KY: variants seen among roughly 807,000 people sequenced by gnomAD.
The protein encoded by KY is kyphoscoliosis peptidase.
A neutral mutation model predicts 76.1 loss-of-function variants in KY; 43 were observed. That is an observed-to-expected ratio of 0.57 (90% confidence interval 0.44 to 0.73). The LOEUF is 0.73. Among genes scored for constraint, KY ranks in the 30% least tolerant of loss-of-function variants. KY has a pLI of 0.00. For synonymous variants in KY, 277 were observed against 326.2 expected (o/e 0.85, Z 1.63); for missense variants, 722 against 828.9 (o/e 0.87, Z 1.58).
rs1239949076 is a variant in KY at position 134,650,910 on chromosome 3, G to A, written c.51C>T (p.Ile17=). ...INAVSIDMLL[I]VHSEKRRAAQ... ...CGGCGCGCCGCTTCTCCGAGTGCAC[G>A]ATCAGCAGCATGTCGATAGATACAG... is the stretch of plus-strand genomic sequence containing the variant. Residue 17 remains isoleucine, a synonymous_variant, in exon 1 of 11, where the codon ATC becomes ATT. Transcript: ENST00000423778. 5.0e-6 allele frequency: 8 copies of A among 1,613,138 alleles called. No individual in the cohort carries two copies. The highest frequency in any genetic ancestry group is 1.7e-6 in the Non-Finnish European group (2 of 1,179,508).
intron 4 of KY, among the ~76,000 whole-genome samples, chr3:134,628,831 C>A (rs573538945): frequency 6.6e-6 from 1 of 152,204 alleles, no homozygotes; most frequent in South Asian, 2.1e-4. Flanking sequence ...GAAACATGAA[C>A]CCAGTCAGTC....
At chr3:134,611,457 C>T (rs566953594) in intron 8 of KY, among the ~76,000 whole-genome samples, 27 of 152,342 alleles carry the variant, frequency 1.8e-4, no homozygotes, top group African/African-American at 6.5e-4. Context: ...ACTGTGCAGA[C>T]AATTTCACTG....
chr3:134,648,126 T>A (rs1252298149), intron 1 of KY, among the ~76,000 whole-genome samples: 1 of 152,204 alleles, frequency 6.6e-6, no homozygotes, highest in Admixed American at 6.5e-5. Flanking sequence ...TGGCACAGCA[T>A]GGGGATACGT....
chr3:134,604,154 G>T lies in KY; in HGVS notation c.1411C>A (p.Pro471Thr), dbSNP rs768924250. The T allele has an allele frequency of 2.0e-5, 32 of 1,608,458 alleles. No individual in the cohort carries two copies. Among genetic ancestry groups the T allele is most frequent in the Non-Finnish European group, 2.7e-5 (32 of 1,177,208 alleles). The change falls in exon 11 of 11, where the codon CCT (proline) becomes ACT (threonine). Residue 471 changes from proline (P) to threonine (T), a missense_variant. Physicochemically the swap from Pro to Thr is conservative, Grantham distance 38. Coordinates refer to ENST00000423778, the MANE Select transcript of KY (RefSeq NM_178554.6). ...CGCCCGTCGCTGGTGTGGATGATAGGGTCAGGGTGGGAGGGCTTCATGATG... is the reference window on the plus strand; with the variant it reads ...CGCCCGTCGCTGGTGTGGATGATAGTGTCAGGGTGGGAGGGCTTCATGATG... ...MGIMKPSHPD[P>T]IIHTSDGRCS...
chr3:134,633,553 T>G (rs1197079315), intron 3 of KY, among the ~76,000 whole-genome samples: 1 of 152,074 alleles, frequency 6.6e-6, no homozygotes. Context: ...AAATTTAACA[T>G]CCGTTCATGA....
Position 134,604,165 on chromosome 3 carries a change from G to A in KY, c.1400C>T (p.Ser467Phe), listed in dbSNP as rs932274243. ...GGTGTGGATGATAGGGTCAGGGTGGGAGGGCTTCATGATGCCCATCTGCTC... is the reference window on the plus strand; with the variant it reads ...GGTGTGGATGATAGGGTCAGGGTGGAAGGGCTTCATGATGCCCATCTGCTC... ...FSEQMGIMKPSHPDPIIHTSD... is the reference protein window; with the variant it reads ...FSEQMGIMKPFHPDPIIHTSD... Residue 467 changes from serine (S) to phenylalanine (F), a missense_variant, in exon 11 of 11, where the codon TCC (serine) becomes TTC (phenylalanine). Transcript: ENST00000423778. 1.2e-6 allele frequency: 2 copies of A among 1,609,290 alleles called. No homozygotes were observed. The highest frequency in any genetic ancestry group is 1.7e-6 in the Non-Finnish European group (2 of 1,177,844).
intron 2 of KY, 138 bp from the exon 3 acceptor site, chr3:134,643,516 C>A: frequency 3.0e-6 from 2 of 660,286 alleles, no homozygotes; most frequent in East Asian, 2.7e-5. Flanking sequence ...TGTGCACACC[C>A]TCACAGTGTG....
At chr3:134,611,442 G>C (rs976452520) in intron 8 of KY, among the ~76,000 whole-genome samples, 3 of 152,236 alleles carry the variant, frequency 2.0e-5, no homozygotes, top group Non-Finnish European at 4.4e-5. Context: ...CAGCCAAGGG[G>C]ATGGACTGTG....
chr3:134,610,095 C>G, intron 9 of KY, 100 bp downstream of exon 9: 1 of 1,310,200 alleles, frequency 7.6e-7, no homozygotes, highest in Non-Finnish European at 1.1e-6. Flanking sequence ...GGCTCTCCTT[C>G]CCCTCCCGCT....
intron 7 of KY, among the ~76,000 whole-genome samples, chr3:134,620,523 A>C (rs1373493869): frequency 6.6e-6 from 1 of 152,212 alleles, no homozygotes; most frequent in African/African-American, 2.4e-5. Flanking sequence ...GGTTATGGGC[A>C]GAAGGCTGCA....
At chr3:134,624,389 CA>C (rs1200402550) in intron 6 of KY, among the ~76,000 whole-genome samples, 1 of 152,226 alleles carries the variant, frequency 6.6e-6, no homozygotes, top group Admixed American at 6.5e-5. Context: ...ATTATTTCAA[CA>C]AACAAGGTTC....
intron 5 of KY, among the ~76,000 whole-genome samples, chr3:134,627,098 T>G (rs1387116724): frequency 6.6e-6 from 1 of 152,212 alleles, no homozygotes; most frequent in African/African-American, 2.4e-5. Context: ...CTTTCTTGGT[T>G]CCATTTTCCA....
rs767149386 is a variant in KY, at chr3:134,604,075, T to C, written c.1490A>G (p.His497Arg). 1 of 1,613,672 alleles carries C rather than the reference T, an allele frequency of 6.2e-7. No homozygotes were observed. The highest frequency in any genetic ancestry group is 1.7e-5 in the Admixed American group (1 of 59,990). The stretch of plus-strand genomic sequence containing the variant: ...CTCAGTGATGGGGCCATCATCCCCG[T>C]GGAGGGAAGCCAGGACATTAATGCC... The part of the protein sequence containing the change: ...EEGINVLASL[H>R]GDDGPITEET... The change falls in exon 11 of 11, where the codon CAC becomes CGC. Residue 497 changes from histidine (H) to arginine (R), a missense_variant. Transcript: ENST00000423778.
At chr3:134,623,777 T>C (rs2107856740) in intron 6 of KY, among the ~76,000 whole-genome samples, 1 of 152,242 alleles carries the variant, frequency 6.6e-6, no homozygotes, top group African/African-American at 2.4e-5. Flanking sequence ...CTGATCTCAC[T>C]TGAGCAGATA....
At chr3:134,624,144 G>A (rs1390842021) in intron 6 of KY, among the ~76,000 whole-genome samples, 1 of 152,016 alleles carries the variant, frequency 6.6e-6, no homozygotes, top group Non-Finnish European at 1.5e-5. Context: ...CACCCTCCAG[G>A]AGTCAATCCA....
intron 10 of KY, 49 bp from the exon 11 acceptor site, chr3:134,604,523 A>G (rs748942896): frequency 1.3e-5 from 19 of 1,480,728 alleles, no homozygotes; most frequent in Non-Finnish European, 1.7e-5. Flanking sequence ...GCACGTGCTG[A>G]TGTGCTGGTA....
rs1279681937 is a variant in KY, at chr3:134,643,373, A to T, written c.205T>A (p.Leu69Met). The T allele has an allele frequency of 6.2e-7, 1 of 1,613,722 alleles. No homozygotes were observed. Among genetic ancestry groups the T allele is most frequent in the African/African-American group, 1.3e-5 (1 of 74,874 alleles). Residue 69 changes from leucine (L) to methionine (M), a missense_variant, in exon 3 of 11, where the codon TTG becomes ATG. By Grantham distance (15) the Leu-to-Met change is conservative. This residue lies in a region of KY where 170 missense variants were observed against 148.1 expected (regional missense o/e 1.15). Transcript: ENST00000423778. ...TGCTGAGGGTGCTGCTTCTCCACCA[A>T]GTTTTCTATTTAAGGAAGACAGAGA... ...KLEGNDFHEN[L>M]VEKQHPQQPQ...
intron 6 of KY, among the ~76,000 whole-genome samples, chr3:134,624,421 C>T (rs150783315): frequency 5.9e-5 from 9 of 152,318 alleles, no homozygotes; most frequent in Non-Finnish European, 5.9e-5. Context: ...ATAAGGTGGC[C>T]TTTTTAAGAC....
At chr3:134,608,000 TCTC>T in intron 10 of KY, 2 of 1,036,430 alleles carry the variant, frequency 1.9e-6, no homozygotes, top group African/African-American at 1.7e-5. Flanking sequence ...CTAGGCCTGT[TCTC>T]CTCTCCCAAG....
Sources: gnomAD v4.1 joint callset for allele counts (sites outside exome capture counted in the v4.1 genomes callset) on GRCh38, gnomAD v4.1.1 for gene constraint, gnomAD v4.1.1 regional missense constraint, MANE v1.5 for transcripts, NCBI Gene and HGNC (gene_info 2026-07-23, HGNC 2026-07-21) for gene names.